Variants in PIP5K1B observed in about 807,000 individuals in gnomAD.
The protein encoded by PIP5K1B is phosphatidylinositol-4-phosphate 5-kinase type 1 beta.
In PIP5K1B, 42 loss-of-function variants were observed where a neutral mutation model predicts 67.0. The observed-to-expected ratio is 0.63, with a 90% CI of 0.49 to 0.81. PIP5K1B has a LOEUF of 0.81. Ranked by LOEUF, PIP5K1B falls within the 30% of genes least tolerant of loss-of-function variation. The pLI is 0.00. For synonymous variants in PIP5K1B, 214 were observed against 231.4 expected (o/e 0.92, Z 0.68); for missense variants, 459 against 646.3 (o/e 0.71, Z 3.14).
chr9:68,940,570 C>T, intron 13 of PIP5K1B, 76 bp from the exon 14 acceptor site: 2 of 1,343,110 alleles, frequency 1.5e-6, no homozygotes, highest in South Asian at 1.5e-5. Flanking sequence ...GCTTTTGACT[C>T]ATTTCAATTA....
intron 14 of PIP5K1B, among the ~76,000 whole-genome samples, chr9:68,973,844 C>T (rs925321828): frequency 3.9e-5 from 6 of 152,176 alleles, no homozygotes; most frequent in African/African-American, 1.4e-4. Flanking sequence ...GCAGGGCCTT[C>T]AGCAGTGCCC....
intron 8 of PIP5K1B, among the ~76,000 whole-genome samples, chr9:68,916,794 C>T (rs12336829): frequency 0.11 from 16,383 of 151,864 alleles, 2,007 homozygotes; most frequent in African/African-American, 0.3. Context: ...ATCGTTTGAA[C>T]CCGGGAGGCA....
intron 5 of PIP5K1B, 134 bp downstream of exon 5, chr9:68,864,101 A>ATTT: frequency 1.4e-6 from 1 of 720,188 alleles, no homozygotes; most frequent in South Asian, 2.2e-5. Context: ...GCAGGGCCAA[A>ATTT]GGCAGTCCAA....
At chr9:68,859,480 G>A (rs1822951095) in intron 4 of PIP5K1B, among the ~76,000 whole-genome samples, 1 of 152,176 alleles carries the variant, frequency 6.6e-6, no homozygotes, top group Non-Finnish European at 1.5e-5. Flanking sequence ...TGTTTGCTGT[G>A]TTCTGAAACT....
chr9:68,906,173 C>A (rs1825601813), intron 8 of PIP5K1B, among the ~76,000 whole-genome samples: 1 of 152,018 alleles, frequency 6.6e-6, no homozygotes, highest in South Asian at 2.1e-4. Flanking sequence ...CACATGCCAC[C>A]ACACTTGGCT....
chr9:68,940,990 C>T (rs1202344377), intron 14 of PIP5K1B, 200 bp downstream of exon 14: 2 of 669,542 alleles, frequency 3.0e-6, no homozygotes, highest in African/African-American at 3.6e-5. Context: ...TTTTTCTTTA[C>T]AGTTGATCAT....
chr9:68,921,021 C>T (rs546120880), intron 11 of PIP5K1B, among the ~76,000 whole-genome samples: 2 of 152,224 alleles, frequency 1.3e-5, no homozygotes, highest in Admixed American at 1.3e-4. Context: ...CTTCTTCTTT[C>T]TTGGAAAGGA....
At chr9:68,792,294 A>G (rs544171786) in intron 2 of PIP5K1B, among the ~76,000 whole-genome samples, 1 of 152,350 alleles carries the variant, frequency 6.6e-6, no homozygotes, top group South Asian at 2.1e-4. Context: ...AGATGAATTA[A>G]TAGATGGATA....
intron 2 of PIP5K1B, among the ~76,000 whole-genome samples, chr9:68,773,948 C>G (rs897017665): frequency 2.0e-5 from 3 of 152,044 alleles, no homozygotes; most frequent in Non-Finnish European, 4.4e-5. Flanking sequence ...AAATGCAATT[C>G]TTATTCTTCA....
chr9:68,933,233 A>C (rs1315597683), intron 12 of PIP5K1B, among the ~76,000 whole-genome samples: 1 of 152,152 alleles, frequency 6.6e-6, no homozygotes, highest in Non-Finnish European at 1.5e-5. Flanking sequence ...GCACATGTAT[A>C]CCTATGTAAC....
chr9:68,888,422 A>G (rs1464075841), intron 6 of PIP5K1B, among the ~76,000 whole-genome samples: 2 of 152,222 alleles, frequency 1.3e-5, no homozygotes, highest in African/African-American at 2.4e-5. Flanking sequence ...AACTTATTGC[A>G]TATAAATTGT....
chr9:68,763,134 TCAAA>T (rs937099561), intron 2 of PIP5K1B, among the ~76,000 whole-genome samples: 2 of 152,194 alleles, frequency 1.3e-5, no homozygotes, highest in African/African-American at 4.8e-5. Flanking sequence ...GAAGCTTTGC[TCAAA>T]CAGAGTCTTG....
chr9:68,967,363 CAG>C (rs1829092752), intron 14 of PIP5K1B, among the ~76,000 whole-genome samples: 1 of 152,166 alleles, frequency 6.6e-6, no homozygotes, highest in African/African-American at 2.4e-5. Context: ...TATAGACAAA[CAG>C]AACTCCATCA....
At chr9:68,926,411 T>C (rs1826703346) in intron 12 of PIP5K1B, among the ~76,000 whole-genome samples, 1 of 152,198 alleles carries the variant, frequency 6.6e-6, no homozygotes, top group Non-Finnish European at 1.5e-5. Context: ...ATCAAATCTA[T>C]TGACATTTTC....
At position 69,007,665 on chromosome 9, in the gene PIP5K1B, G is replaced by A. The variant is rs547562582; in HGVS notation, c.1621-782G>A. Among the ~76,000 whole-genome samples, 12 of 152,252 alleles carry A rather than the reference G, an allele frequency of 7.9e-5. No homozygotes were observed. In the South Asian group the frequency reaches 1.0e-3, roughly 13 times the overall value. On this transcript the variant is annotated intron_variant, in intron 15 of 15. Transcript: ENST00000265382. ...TAGGTCAGGAGTTCAAGACCATCCT[G>A]GCTAACACAGTGAAACCCCATCTCT...
At chr9:68,747,629 T>G (rs752061583) in intron 2 of PIP5K1B, among the ~76,000 whole-genome samples, 6 of 152,176 alleles carry the variant, frequency 3.9e-5, no homozygotes, top group Non-Finnish European at 5.9e-5. Context: ...TGGCATAATA[T>G]AGCTTCTTTT....
chr9:68,779,087 G>A (rs1831075314), intron 2 of PIP5K1B, among the ~76,000 whole-genome samples: 1 of 151,732 alleles, frequency 6.6e-6, no homozygotes, highest in Non-Finnish European at 1.5e-5. Flanking sequence ...GTTCATACTA[G>A]GGCCCATTTC....
intron 2 of PIP5K1B, chr9:68,780,062 GAC>G (rs1412633406): frequency 7.1e-7 from 1 of 1,416,388 alleles, no homozygotes. Flanking sequence ...CCAGCCCGCT[GAC>G]AGATTCTCGG....
At chr9:68,759,003 T>C (rs1830068453) in intron 2 of PIP5K1B, among the ~76,000 whole-genome samples, 1 of 152,112 alleles carries the variant, frequency 6.6e-6, no homozygotes, top group African/African-American at 2.4e-5. Flanking sequence ...AAAAATATCC[T>C]TAAGGAACTT....
Sources: allele counts gnomAD v4.1 joint callset (sites outside exome capture counted in the v4.1 genomes callset), GRCh38; gene constraint gnomAD v4.1.1; transcripts MANE v1.5; gene names NCBI Gene and HGNC (gene_info 2026-07-23, HGNC 2026-07-21).